The following TENM2 variants were observed in gnomAD, a reference collection of about 807,000 sequenced individuals.
TENM2 encodes teneurin-2.
In TENM2, 52 loss-of-function variants were observed where a neutral mutation model predicts 245.2. The observed-to-expected ratio is 0.21, with a 90% CI of 0.17 to 0.27. The LOEUF (loss-of-function observed/expected upper bound fraction) is 0.27, where lower values mean the gene tolerates loss of function less well. TENM2 is among the 10% of genes least tolerant of loss of function. TENM2 has a pLI of 1.00. For missense variants in TENM2, 3,046 were observed against 3,666.8 expected (o/e 0.83, Z 4.37); for synonymous variants, 1,363 against 1,438.9 (o/e 0.95, Z 1.19).
chr5:168,038,498 T>C (rs1013243829), intron 5 of TENM2, among the ~76,000 whole-genome samples: 1 of 152,120 alleles, frequency 6.6e-6, no homozygotes, highest in African/African-American at 2.4e-5. Flanking sequence ...CTCCGTAAAA[T>C]GGGAATCATA....
At chr5:167,550,848 G>A (rs1772894067) in intron 2 of TENM2, among the ~76,000 whole-genome samples, 1 of 151,670 alleles carries the variant, frequency 6.6e-6, no homozygotes, top group Non-Finnish European at 1.5e-5. Flanking sequence ...TTCTGCCTCA[G>A]CCTCCAAGTA....
At chr5:168,223,189 C>T (rs1763821569) in intron 23 of TENM2, among the ~76,000 whole-genome samples, 1 of 152,204 alleles carries the variant, frequency 6.6e-6, no homozygotes, top group Non-Finnish European at 1.5e-5. Context: ...TACCCTAAAG[C>T]TCTGCTCCCT....
In TENM2 at chr5:167,716,939, T is replaced by TTATTC. The variant is rs1206927781; in HGVS notation, c.503-159032_503-159028dup. Among the ~76,000 whole-genome samples, 46 of 96,320 alleles carry TTATTC rather than the reference T, an allele frequency of 4.8e-4. 1 individual carries two copies. Among genetic ancestry groups the TTATTC allele is most frequent in the Admixed American group, 1.6e-3 (15 of 9,098 alleles). 63.2% of individuals were successfully genotyped at this position (96,320 alleles called of 152,430 possible). On this transcript the variant is annotated intron_variant, in intron 2 of 28. Transcript: ENST00000518659. ...TTATTTTATTTTATTTTATTTTATT[T>TTATTC]TATTCTATTCTATTCTATTTTATTT... is the stretch of plus-strand genomic sequence containing the variant.
chr5:167,847,419 C>G (rs562972848), intron 2 of TENM2, among the ~76,000 whole-genome samples: 2 of 152,184 alleles, frequency 1.3e-5, no homozygotes, highest in South Asian at 2.1e-4. Flanking sequence ...TCTATTAACC[C>G]AAACTCATTT....
the TENM2 span, among the ~76,000 whole-genome samples, chr5:167,210,341 A>G: frequency 6.6e-6 from 1 of 152,244 alleles, no homozygotes; most frequent in Non-Finnish European, 1.5e-5. Flanking sequence ...TATTCTGCAA[A>G]GCAGTCCTAA....
chr5:167,432,226 C>T (rs1044212449), intron 2 of TENM2, among the ~76,000 whole-genome samples: 4 of 151,418 alleles, frequency 2.6e-5, no homozygotes, highest in African/African-American at 9.8e-5. Context: ...AACGTGAACT[C>T]GTATTTAAAT....
At chr5:167,457,639 C>T (rs1446331710) in intron 2 of TENM2, among the ~76,000 whole-genome samples, 1 of 152,170 alleles carries the variant, frequency 6.6e-6, no homozygotes, top group Admixed American at 6.5e-5. Flanking sequence ...AGCTACCACG[C>T]CCGACCAGCC....
chr5:167,494,484 G>A (rs1017290124), intron 2 of TENM2, among the ~76,000 whole-genome samples: 2 of 152,200 alleles, frequency 1.3e-5, no homozygotes, highest in Middle Eastern at 3.4e-3. Flanking sequence ...ACTTATGCGT[G>A]ATATTATAGA....
chr5:167,274,420 G>C, the TENM2 span, among the ~76,000 whole-genome samples: 2 of 151,986 alleles, frequency 1.3e-5, no homozygotes, highest in African/African-American at 4.8e-5. Context: ...AGAACACTTG[G>C]GTTGTTTCCA....
chr5:167,840,727 A>G (rs1359563814), intron 2 of TENM2, among the ~76,000 whole-genome samples: 2 of 152,230 alleles, frequency 1.3e-5, no homozygotes, highest in Non-Finnish European at 2.9e-5. Flanking sequence ...TCAATAAAAT[A>G]TACCATGCAC....
intron 4 of TENM2, among the ~76,000 whole-genome samples, chr5:167,962,662 T>C (rs530349719): frequency 2.0e-5 from 3 of 152,230 alleles, no homozygotes; most frequent in East Asian, 1.9e-4. Flanking sequence ...CTTATAATCA[T>C]GGTAGAAAGG....
the TENM2 span, among the ~76,000 whole-genome samples, chr5:166,983,711 T>C: frequency 6.6e-6 from 1 of 152,102 alleles, no homozygotes; most frequent in South Asian, 2.1e-4. Context: ...AAGAACCACC[T>C]CTGTCTTGGG....
chr5:168,016,210 G>A (rs1276008603), intron 5 of TENM2, among the ~76,000 whole-genome samples: 1 of 152,180 alleles, frequency 6.6e-6, no homozygotes, highest in African/African-American at 2.4e-5. Context: ...TGAGGACACT[G>A]AGGCTTACGG....
chr5:167,084,353 A>ATG, the TENM2 span, among the ~76,000 whole-genome samples: 263 of 110,902 alleles, frequency 2.4e-3, 5 homozygotes, highest in African/African-American at 7.8e-3. Flanking sequence ...ATATATATAT[A>ATG]TATATATATA....
chr5:168,257,765 G>A (rs988534022), intron 27 of TENM2, among the ~76,000 whole-genome samples: 14 of 152,156 alleles, frequency 9.2e-5, no homozygotes, highest in South Asian at 6.2e-4. Flanking sequence ...ACAGGCACCC[G>A]CCACCACGCC....
chr5:167,454,872 G>T (rs976266843), intron 2 of TENM2, among the ~76,000 whole-genome samples: 10 of 152,178 alleles, frequency 6.6e-5, no homozygotes, highest in Admixed American at 6.5e-4. Flanking sequence ...CATGATGAAA[G>T]CCTGTGATGG....
chr5:167,471,460 A>T (rs1391556688), intron 2 of TENM2, among the ~76,000 whole-genome samples: 1 of 152,240 alleles, frequency 6.6e-6, no homozygotes, highest in Non-Finnish European at 1.5e-5. Flanking sequence ...AAACTCTAAG[A>T]ATAAAAGTAA....
At chr5:167,647,772 A>G (rs567664101) in intron 2 of TENM2, among the ~76,000 whole-genome samples, 1 of 152,160 alleles carries the variant, frequency 6.6e-6, no homozygotes, top group Non-Finnish European at 1.5e-5. Flanking sequence ...TCTGACCCCC[A>G]TCTGTAGGAG....
intron 2 of TENM2, among the ~76,000 whole-genome samples, chr5:167,446,788 A>AACGCAC (rs1374181730): frequency 6.2e-4 from 57 of 92,334 alleles, no homozygotes; most frequent in African/African-American, 2.3e-3. Flanking sequence ...CAGTTTTTGA[A>AACGCAC]ACACGCACAC....
Sources: gnomAD v4.1 joint callset for allele counts (sites outside exome capture counted in the v4.1 genomes callset) on GRCh38, gnomAD v4.1.1 for gene constraint, MANE v1.5 for transcripts, NCBI Gene and HGNC (gene_info 2026-07-23, HGNC 2026-07-21) for gene names.